The following TRPC4 variants were observed in gnomAD, a reference collection of about 807,000 sequenced individuals.
TRPC4 encodes the protein short transient receptor potential channel 4.
Under a neutral mutation model 99.4 loss-of-function variants are expected in TRPC4, and 49 were observed. The observed-to-expected ratio is 0.49, with a 90% CI of 0.39 to 0.63. The LOEUF (loss-of-function observed/expected upper bound fraction) is 0.63. Ranked by LOEUF, TRPC4 falls within the 20% of genes least tolerant of loss-of-function variation. The pLI is 0.00. For synonymous variants in TRPC4, 454 were observed against 425.9 expected, an observed-to-expected ratio of 1.07 and a Z score of -0.81; for missense variants, 898 against 1,152.9, an observed-to-expected ratio of 0.78 and a Z score of 3.20.
In TRPC4 at chr13:37,816,457, A is replaced by G. The variant is rs147254679; in HGVS notation, c.-27-33097T>C. Among the ~76,000 whole-genome samples, 6 of 151,996 alleles carry G rather than the reference A, an allele frequency of 3.9e-5. No individual in the cohort carries two copies. The South Asian group carries it at 8.3e-4, about 21-fold the overall frequency. ...TACATTCTTCTCATCGTGACATGGC[A>G]CATATGCTGCCATTTCTGCTGAAAC... On this transcript the variant is annotated intron_variant, in intron 1 of 10. Coordinates refer to ENST00000379705, the MANE Select transcript of TRPC4 (RefSeq NM_016179.4).
At chr13:37,735,778 A>G (rs2139106306) in intron 3 of TRPC4, among the ~76,000 whole-genome samples, 1 of 152,304 alleles carries the variant, frequency 6.6e-6, no homozygotes, top group East Asian at 1.9e-4. Flanking sequence ...GCTTATGTAC[A>G]TTTTCTCAGG....
intron 1 of TRPC4, among the ~76,000 whole-genome samples, chr13:37,814,879 C>A (rs954784469): frequency 1.3e-5 from 2 of 151,670 alleles, no homozygotes; most frequent in African/African-American, 4.8e-5. Context: ...CCAAAACAAT[C>A]TGATAAAACA....
At chr13:37,706,302 G>A (rs1954275808) in intron 3 of TRPC4, among the ~76,000 whole-genome samples, 1 of 152,052 alleles carries the variant, frequency 6.6e-6, no homozygotes. Context: ...CAACAACAAG[G>A]ACGCTTTATA....
chr13:37,793,325 G>A (rs769749873), intron 1 of TRPC4, among the ~76,000 whole-genome samples: 23 of 152,062 alleles, frequency 1.5e-4, no homozygotes, highest in Admixed American at 5.9e-4. Flanking sequence ...TAGGGTACAC[G>A]TGCACAATGT....
chr13:37,841,841 T>C (rs1958737636), intron 1 of TRPC4, among the ~76,000 whole-genome samples: 1 of 152,136 alleles, frequency 6.6e-6, no homozygotes, highest in Non-Finnish European at 1.5e-5. Flanking sequence ...TCTTTAAAAA[T>C]GAAGCATGCC....
chr13:37,832,976 G>A (rs73462406), intron 1 of TRPC4, among the ~76,000 whole-genome samples: 1 of 152,064 alleles, frequency 6.6e-6, no homozygotes, highest in African/African-American at 2.4e-5. Flanking sequence ...CAGCAGTATC[G>A]AGTCCTGCTT....
chr13:37,702,221 C>T (rs1954123214), intron 3 of TRPC4, among the ~76,000 whole-genome samples: 1 of 152,182 alleles, frequency 6.6e-6, no homozygotes, highest in Non-Finnish European at 1.5e-5. Flanking sequence ...AAGAGTCTGT[C>T]CCACTCCAGA....
chr13:37,730,961 C>T (rs189322611), intron 3 of TRPC4, among the ~76,000 whole-genome samples: 1 of 151,982 alleles, frequency 6.6e-6, no homozygotes, highest in East Asian at 1.9e-4. Flanking sequence ...GCCAAAAATG[C>T]TATTAATATG....
chr13:37,635,253 G>A lies in TRPC4; in HGVS notation c.*1650C>T, dbSNP rs1379034965. 6.6e-6 allele frequency among the ~76,000 whole-genome samples: 1 copy of A among 152,100 alleles called. No homozygotes were observed. The highest frequency in any genetic ancestry group is 1.5e-5 in the Non-Finnish European group (1 of 68,010). ...TGCTCTTTTTATGTTCTGAAAGGCA[G>A]TTACAATGCAGTGGTGAAGGGAATG... On this transcript the variant is annotated 3_prime_UTR_variant, in exon 11 of 11. Coordinates refer to ENST00000379705, the MANE Select transcript of TRPC4 (RefSeq NM_016179.4).
chr13:37,663,310 T>C, intron 6 of TRPC4, 106 bp downstream of exon 6: 1 of 1,083,932 alleles, frequency 9.2e-7, no homozygotes, highest in Non-Finnish European at 1.3e-6. Flanking sequence ...ACAATTTTAG[T>C]TCCCCATTTT....
intron 2 of TRPC4, among the ~76,000 whole-genome samples, chr13:37,768,683 C>CACAG: frequency 6.6e-6 from 1 of 150,774 alleles, no homozygotes; most frequent in Non-Finnish European, 1.5e-5. Flanking sequence ...CACACACACA[C>CACAG]ACACACACAC....
rs181947922 is a variant in TRPC4 at position 37,734,729 on chromosome 13, T to C, written c.897+11208A>G. Among the ~76,000 whole-genome samples, 5 of 152,306 alleles carry C rather than the reference T, an allele frequency of 3.3e-5. No homozygotes were observed. The East Asian group carries it at 9.7e-4, about 29-fold the overall frequency. On this transcript the variant is annotated intron_variant, in intron 3 of 10. Coordinates refer to ENST00000379705, the MANE Select transcript of TRPC4 (RefSeq NM_016179.4). ...GGTAAAAAGAGGTTTCAGGGCTACA[T>C]GTCCCGGAGCTGCCTGGGAAAATCA... is the stretch of plus-strand genomic sequence containing the variant.
chr13:37,669,333 C>T (rs1422011405), intron 5 of TRPC4, among the ~76,000 whole-genome samples: 1 of 152,056 alleles, frequency 6.6e-6, no homozygotes, highest in Non-Finnish European at 1.5e-5. Context: ...ACTGAAGTAA[C>T]GTTTTATAAC....
At chr13:37,804,234 C>T (rs1593781359) in intron 1 of TRPC4, among the ~76,000 whole-genome samples, 1 of 152,052 alleles carries the variant, frequency 6.6e-6, no homozygotes. Flanking sequence ...CCATGTTCTT[C>T]GTCTATGTTA....
chr13:37,723,417 A>G (rs1484402910), intron 3 of TRPC4, among the ~76,000 whole-genome samples: 1 of 152,206 alleles, frequency 6.6e-6, no homozygotes, highest in Non-Finnish European at 1.5e-5. Context: ...AAAAAAATAT[A>G]TATGTTATTC....
intron 1 of TRPC4, among the ~76,000 whole-genome samples, chr13:37,799,370 T>C (rs1382380305): frequency 6.6e-6 from 1 of 152,194 alleles, no homozygotes; most frequent in Non-Finnish European, 1.5e-5. Context: ...AATTCTTTTT[T>C]TGTTTTCTGT....
intron 3 of TRPC4, among the ~76,000 whole-genome samples, 160 bp downstream of exon 3, chr13:37,745,777 A>G (rs531192922): frequency 1.3e-5 from 2 of 152,096 alleles, no homozygotes; most frequent in East Asian, 3.9e-4. Flanking sequence ...CCACTCTTCA[A>G]TGTGATTCAT....
At chr13:37,676,706 A>G (rs2138781341) in intron 4 of TRPC4, among the ~76,000 whole-genome samples, 1 of 152,214 alleles carries the variant, frequency 6.6e-6, no homozygotes, top group Admixed American at 6.5e-5. Context: ...AAGAAAAAGA[A>G]TAAGAGTTAA....
At chr13:37,742,889 T>C (rs974622813) in intron 3 of TRPC4, among the ~76,000 whole-genome samples, 1 of 152,168 alleles carries the variant, frequency 6.6e-6, no homozygotes, top group Non-Finnish European at 1.5e-5. Flanking sequence ...TTTTAAAAGG[T>C]ATATATGAAA....
Sources: gnomAD v4.1 joint callset for allele counts (sites outside exome capture counted in the v4.1 genomes callset) on GRCh38, gnomAD v4.1.1 for gene constraint, MANE v1.5 for transcripts, NCBI Gene and HGNC (gene_info 2026-07-23, HGNC 2026-07-21) for gene names.